TRAF3IP2: variants seen among roughly 807,000 people sequenced by gnomAD.
TRAF3IP2 encodes the protein E3 ubiquitin ligase TRAF3IP2.
In TRAF3IP2, 35 loss-of-function variants were observed where a neutral mutation model predicts 57.9. The observed-to-expected ratio is 0.60, with a 90% confidence interval of 0.46 to 0.80. The LOEUF (loss-of-function observed/expected upper bound fraction) is 0.80. Ranked by LOEUF, TRAF3IP2 falls within the 30% of genes least tolerant of loss-of-function variation. The probability of loss-of-function intolerance (pLI) is 0.00; values close to 1 mark genes in which losing one functional copy is unlikely to be tolerated. For synonymous variants in TRAF3IP2, 251 were observed against 268.9 expected (o/e 0.93, Z 0.65); for missense variants, 556 against 706.4 (o/e 0.79, Z 2.41).
At chr6:111,596,125 CCT>C (rs980965693) in intron 1 of TRAF3IP2, among the ~76,000 whole-genome samples, 8 of 152,128 alleles carry the variant, frequency 5.3e-5, no homozygotes, top group African/African-American at 1.9e-4. Flanking sequence ...TTTACACTCT[CCT>C]CTCATTCCCA....
chr6:111,597,441 C>T (rs954384287), intron 1 of TRAF3IP2, among the ~76,000 whole-genome samples: 7 of 152,190 alleles, frequency 4.6e-5, no homozygotes, highest in African/African-American at 1.7e-4. Flanking sequence ...CAGCCCCAGA[C>T]CCCTGTCTGA....
intron 1 of TRAF3IP2, among the ~76,000 whole-genome samples, chr6:111,598,710 G>A (rs989653704): frequency 1.3e-5 from 2 of 152,182 alleles, no homozygotes; most frequent in African/African-American, 4.8e-5. Context: ...TTGCTTTTCA[G>A]AACATTTTAT....
At chr6:111,601,598 C>G (rs548571481) in intron 1 of TRAF3IP2, 9 of 167,702 alleles carry the variant, frequency 5.4e-5, no homozygotes, top group Admixed American at 1.2e-4. Flanking sequence ...ATTAACAGCT[C>G]CTCCATAATC....
intron 3 of TRAF3IP2, among the ~76,000 whole-genome samples, chr6:111,577,680 G>C (rs1174119759): frequency 1.3e-5 from 2 of 149,462 alleles, no homozygotes; most frequent in African/African-American, 4.9e-5. Context: ...ACCTCAGTTG[G>C]ATGGGTTTGT....
chr6:111,566,681 C>A, intron 6 of TRAF3IP2, 121 bp from the exon 7 acceptor site: 4 of 869,984 alleles, frequency 4.6e-6, no homozygotes, highest in Admixed American at 1.7e-5. Flanking sequence ...CACTGGCCCC[C>A]ACTCAGGCAG....
intron 2 of TRAF3IP2, chr6:111,586,890 AAAT>A (rs2128380408): frequency 6.6e-6 from 1 of 152,320 alleles, no homozygotes; most frequent in South Asian, 2.1e-4. Context: ...GGATGCTTTT[AAAT>A]AATAACAATA....
chr6:111,571,305 T>C (rs1795824616), intron 5 of TRAF3IP2, among the ~76,000 whole-genome samples: 1 of 152,166 alleles, frequency 6.6e-6, no homozygotes, highest in Non-Finnish European at 1.5e-5. Context: ...CTTGAACTCC[T>C]GACCTCAGGT....
chr6:111,596,051 CTCCTTCA>C (rs1796682224), intron 1 of TRAF3IP2, among the ~76,000 whole-genome samples: 1 of 152,136 alleles, frequency 6.6e-6, no homozygotes, highest in Non-Finnish European at 1.5e-5. Context: ...GGCTTCCTTT[CTCCTTCA>C]GGTCTTTCCT....
chr6:111,568,432 A>AGTGTGTGTGTGT (rs58088162), intron 5 of TRAF3IP2, among the ~76,000 whole-genome samples: 9 of 146,828 alleles, frequency 6.1e-5, no homozygotes, highest in Non-Finnish European at 9.1e-5. Context: ...TATACTGCAG[A>AGTGTGTGTGTGT]GTGTGTGTGT....
rs182094502 is a variant in TRAF3IP2 at position 111,555,808 on chromosome 6, C to A, written c.*3597G>T. Among the ~76,000 whole-genome samples the A allele has an allele frequency of 1.6e-4, 25 of 152,264 alleles. No homozygotes were observed. Among genetic ancestry groups the A allele is most frequent in the Admixed American group, 1.4e-3 (22 of 15,282 alleles). On this transcript the variant is annotated 3_prime_UTR_variant, in exon 9 of 9. Coordinates refer to ENST00000368761, the MANE Select transcript of TRAF3IP2 (RefSeq NM_147686.4). ...TGTCAGTGCTCTCAAATAGTTGTTA[C>A]AATTCCTTTGATGGGCCGGGCGTGG...
intron 5 of TRAF3IP2, among the ~76,000 whole-genome samples, chr6:111,571,325 G>A (rs961039845): frequency 7.9e-5 from 12 of 151,958 alleles, no homozygotes; most frequent in Admixed American, 1.3e-4. Context: ...TGATCTGCCC[G>A]CCTCAGCCTT....
At chr6:111,559,862 C>T (rs1477950956) in intron 8 of TRAF3IP2, among the ~76,000 whole-genome samples, 1 of 152,222 alleles carries the variant, frequency 6.6e-6, no homozygotes, top group Non-Finnish European at 1.5e-5. Flanking sequence ...GGACAGAGGT[C>T]ACACAGAGTG....
At chr6:111,594,311 T>C (rs1352363046) in intron 1 of TRAF3IP2, among the ~76,000 whole-genome samples, 1 of 152,032 alleles carries the variant, frequency 6.6e-6, no homozygotes, top group East Asian at 1.9e-4. Flanking sequence ...CACAGCTGAA[T>C]GGGAGGCAAA....
chr6:111,582,475 T>C (rs778287958), intron 2 of TRAF3IP2, among the ~76,000 whole-genome samples: 2 of 152,156 alleles, frequency 1.3e-5, no homozygotes, highest in Non-Finnish European at 2.9e-5. Flanking sequence ...GTTCTCAGAA[T>C]GGAAGACAGG....
chr6:111,579,146 T>G (rs537730641), intron 3 of TRAF3IP2, among the ~76,000 whole-genome samples: 2 of 150,604 alleles, frequency 1.3e-5, no homozygotes, highest in South Asian at 4.2e-4. Flanking sequence ...CTGGCCTATA[T>G]GGTGAAACCC....
At chr6:111,603,933 G>C (rs922982861) in intron 1 of TRAF3IP2, among the ~76,000 whole-genome samples, 5 of 152,216 alleles carry the variant, frequency 3.3e-5, no homozygotes, top group African/African-American at 4.8e-5. Context: ...TGACTGTGGT[G>C]TGTGGCCTTT....
At chr6:111,567,713 G>A (rs201789424) in intron 5 of TRAF3IP2, 21 bp from the exon 6 acceptor site, 187 of 1,593,850 alleles carry the variant, frequency 1.2e-4, no homozygotes, top group Non-Finnish European at 1.5e-4. Flanking sequence ...AAAGATGTGG[G>A]AGTTGGCCCT....
At chr6:111,595,397 C>T (rs1796650173) in intron 1 of TRAF3IP2, among the ~76,000 whole-genome samples, 1 of 152,188 alleles carries the variant, frequency 6.6e-6, no homozygotes, top group Non-Finnish European at 1.5e-5. Context: ...CTATCAAATA[C>T]TCAAAACAGC....
Position 111,591,239 on chromosome 6 carries a change from G to T in TRAF3IP2, c.829+19C>A, listed in dbSNP as rs779795636. ...AGTCACCCAGCCCAGAATGCCCAGA[G>T]GAGGTAAAGATCACTTACATGGCAC... is the stretch of plus-strand genomic sequence containing the variant. On this transcript the variant is annotated intron_variant, in intron 2 of 8. Coordinates refer to ENST00000368761, the MANE Select transcript of TRAF3IP2 (RefSeq NM_147686.4). This position sits in a 1 kb window ranked among gnomAD's most constrained non-coding sequence, Gnocchi z 4.9. 1 of 1,468,954 alleles carries T rather than the reference G, an allele frequency of 6.8e-7. No homozygotes were observed. The highest frequency in any genetic ancestry group is 2.3e-5 in the East Asian group (1 of 43,324). The allele number at this position is 1,468,954 out of a possible 1,614,324, so 91.0% of individuals were successfully genotyped here.
Sources: gnomAD v4.1 joint callset for allele counts (sites outside exome capture counted in the v4.1 genomes callset) on GRCh38, gnomAD v4.1.1 for gene constraint, Gnocchi (gnomAD v3.1) non-coding constraint, MANE v1.5 for transcripts, NCBI Gene and HGNC (gene_info 2026-07-23, HGNC 2026-07-21) for gene names.